The following COL21A1 variants were observed in gnomAD, a reference collection of about 807,000 sequenced individuals.
COL21A1 encodes collagen alpha-1(XXI) chain.
A neutral mutation model predicts 137.9 loss-of-function variants in COL21A1; 149 were observed. The ratio of observed to expected loss-of-function variants is 1.08; its 90% CI spans 0.95 to 1.24. The LOEUF is 1.24. Among genes scored for constraint, COL21A1 ranks in the 50% most tolerant of loss-of-function variants. The pLI, the probability that COL21A1 is intolerant of heterozygous loss-of-function variation, is 0.00. For synonymous variants in COL21A1, 456 were observed against 391.5 expected, an observed-to-expected ratio of 1.16 and a Z score of -1.95; for missense variants, 1,167 against 1,158.4, an observed-to-expected ratio of 1.01 and a Z score of -0.11.
At chr6:56,280,588 A>G (rs1229395609) in intron 1 of COL21A1, among the ~76,000 whole-genome samples, 1 of 152,228 alleles carries the variant, frequency 6.6e-6, no homozygotes, top group African/African-American at 2.4e-5. Context: ...ATAAGAAAGG[A>G]AGAAAGATGG....
intron 12 of COL21A1, among the ~76,000 whole-genome samples, chr6:56,134,335 G>A (rs751926717): frequency 1.3e-4 from 20 of 152,112 alleles, no homozygotes; most frequent in Non-Finnish European, 1.9e-4. Context: ...TACCCCCTTC[G>A]TTTTGGTCAA....
At chr6:56,386,613 T>G (rs1030044225) in intron 1 of COL21A1, among the ~76,000 whole-genome samples, 2 of 151,102 alleles carry the variant, frequency 1.3e-5, no homozygotes, top group African/African-American at 4.9e-5. Flanking sequence ...TTTTTTTAAG[T>G]TATATTATAG....
chr6:56,136,876 T>G (rs1273576684), intron 12 of COL21A1, among the ~76,000 whole-genome samples: 1 of 152,072 alleles, frequency 6.6e-6, no homozygotes, highest in Non-Finnish European at 1.5e-5. Context: ...CCATGAACAC[T>G]CCTATGGCCC....
chr6:56,268,255 C>T (rs72877976), intron 1 of COL21A1, among the ~76,000 whole-genome samples: 1,758 of 152,258 alleles, frequency 0.012, 16 homozygotes, highest in Non-Finnish European at 0.019. Context: ...TGTAAGCTAT[C>T]GCCCTGCCAT....
intron 1 of COL21A1, among the ~76,000 whole-genome samples, chr6:56,221,360 G>A (rs978963736): frequency 6.6e-6 from 1 of 152,094 alleles, no homozygotes; most frequent in Non-Finnish European, 1.5e-5. Context: ...TCCAAACTAG[G>A]AATCAGCCAC....
chr6:56,336,454 A>G (rs6938339), intron 1 of COL21A1, among the ~76,000 whole-genome samples: 34,555 of 152,180 alleles, frequency 0.23, 4,616 homozygotes, highest in African/African-American at 0.38. Flanking sequence ...ATGGTAGAAC[A>G]AAAACAGATT....
intron 1 of COL21A1, among the ~76,000 whole-genome samples, chr6:56,200,513 C>G (rs922127984): frequency 5.0e-4 from 68 of 135,444 alleles, no homozygotes; most frequent in African/African-American, 1.9e-3. Context: ...TCCATGTGTT[C>G]TCATTGTTCA....
intron 1 of COL21A1, among the ~76,000 whole-genome samples, chr6:56,332,424 G>A (rs1043569264): frequency 4.0e-5 from 6 of 150,978 alleles, no homozygotes; most frequent in African/African-American, 9.7e-5. Context: ...TCAGAAGTGC[G>A]TTCAAAAAAT....
intron 17 of COL21A1, among the ~76,000 whole-genome samples, chr6:56,083,950 G>T (rs1036566888): frequency 3.2e-4 from 48 of 151,800 alleles, no homozygotes; most frequent in African/African-American, 1.1e-3. Context: ...CAATTTAGAA[G>T]AAAAACACAC....
chr6:56,084,369 T>G (rs1281748662), intron 17 of COL21A1, among the ~76,000 whole-genome samples: 1 of 151,878 alleles, frequency 6.6e-6, no homozygotes, highest in Non-Finnish European at 1.5e-5. Flanking sequence ...GGATCCAATT[T>G]GTTGTTTAAA....
intron 1 of COL21A1, among the ~76,000 whole-genome samples, chr6:56,321,889 A>AT (rs1287095806): frequency 6.6e-6 from 1 of 152,172 alleles, no homozygotes; most frequent in African/African-American, 2.4e-5. Flanking sequence ...AAAAAGCTCA[A>AT]TAAGTGGGTG....
At chr6:56,261,459 C>T (rs536390966) in intron 1 of COL21A1, among the ~76,000 whole-genome samples, 1 of 152,112 alleles carries the variant, frequency 6.6e-6, no homozygotes, top group Non-Finnish European at 1.5e-5. Flanking sequence ...GGGCAGAGCC[C>T]TCATGAATGG....
intron 1 of COL21A1, among the ~76,000 whole-genome samples, chr6:56,312,460 A>C (rs1764634851): frequency 6.6e-6 from 1 of 152,220 alleles, no homozygotes; most frequent in Non-Finnish European, 1.5e-5. Flanking sequence ...TTTCTGAGTC[A>C]GGGAATGATG....
intron 1 of COL21A1, among the ~76,000 whole-genome samples, chr6:56,318,631 G>C (rs923277617): frequency 1.3e-5 from 2 of 152,014 alleles, no homozygotes; most frequent in African/African-American, 4.8e-5. Context: ...TGCTGCACTT[G>C]ATGAGTGGTT....
intron 1 of COL21A1, among the ~76,000 whole-genome samples, chr6:56,296,008 C>T (rs1182781506): frequency 6.6e-6 from 1 of 151,818 alleles, no homozygotes; most frequent in African/African-American, 2.4e-5. Flanking sequence ...TTGCCTTATT[C>T]CTGATCTTAG....
rs767020357 is a variant in COL21A1 at position 56,057,741 on chromosome 6, T to G, written c.2790A>C (p.Pro930=). Residue 930 remains proline, a synonymous_variant, in exon 30 of 30, where the codon CCA becomes CCC. Transcript: ENST00000244728. ...ATGGGTCGCAGATGCCTGGGGGGCC[T>G]GGTTGCCCTTGGATTCCAGGTTTTC... is the stretch of plus-strand genomic sequence containing the variant. ...DHGKPGIQGQ[P]GPPGICDPSL... The G allele has an allele frequency of 2.5e-6, 4 of 1,612,550 alleles. No homozygotes were observed. Among genetic ancestry groups the G allele is most frequent in the Non-Finnish European group, 8.5e-7 (1 of 1,179,332 alleles).
At chr6:56,262,274 C>T (rs1763296816) in intron 1 of COL21A1, among the ~76,000 whole-genome samples, 1 of 152,204 alleles carries the variant, frequency 6.6e-6, no homozygotes, top group African/African-American at 2.4e-5. Context: ...CTTCTCTCAA[C>T]TTAGACCATC....
chr6:56,230,034 A>G (rs1240972099), intron 1 of COL21A1, among the ~76,000 whole-genome samples: 1 of 151,940 alleles, frequency 6.6e-6, no homozygotes, highest in Non-Finnish European at 1.5e-5. Context: ...GTCAGAGCAC[A>G]TTGCATGTAC....
intron 3 of COL21A1, among the ~76,000 whole-genome samples, chr6:56,177,439 G>C (rs1416247802): frequency 6.6e-6 from 1 of 152,110 alleles, no homozygotes; most frequent in Non-Finnish European, 1.5e-5. Flanking sequence ...ATGGTTTGTG[G>C]CTGTTGTAAT....
Sources: allele counts gnomAD v4.1 joint callset (sites outside exome capture counted in the v4.1 genomes callset), GRCh38; gene constraint gnomAD v4.1.1; transcripts MANE v1.5; gene names NCBI Gene and HGNC (gene_info 2026-07-23, HGNC 2026-07-21).